The following FRRS1 variants were observed in gnomAD, a reference collection of about 807,000 sequenced individuals.
FRRS1 encodes ferric chelate reductase 1.
FRRS1 carries 51 observed loss-of-function variants against 70.7 expected under a neutral mutation model. The observed-to-expected ratio is 0.72, with a 90% CI of 0.58 to 0.91. The LOEUF (loss-of-function observed/expected upper bound fraction) is 0.91. Among genes scored for constraint, FRRS1 ranks in the 40% least tolerant of loss-of-function variants. The pLI, the probability that FRRS1 is intolerant of heterozygous loss-of-function variation, is 0.00. For missense variants in FRRS1, 672 were observed against 726.0 expected (o/e 0.93, Z 0.86); for synonymous variants, 225 against 238.7 (o/e 0.94, Z 0.53).
chr1:99,757,781 A>C (rs1045639861), intron 1 of FRRS1, among the ~76,000 whole-genome samples: 1 of 152,082 alleles, frequency 6.6e-6, no homozygotes, highest in Non-Finnish European at 1.5e-5. Flanking sequence ...ATTTTGGCAC[A>C]AGTGCAATAT....
chr1:99,711,611 T>C (rs574489837), intron 14 of FRRS1: 33 of 154,942 alleles, frequency 2.1e-4, no homozygotes, highest in Middle Eastern at 3.3e-3. Flanking sequence ...CCATAGACTA[T>C]AGCAGTGTTA....
Position 99,718,869 on chromosome 1 carries a change from A to G in FRRS1, c.1120+665T>C, listed in dbSNP as rs966830015. 2.0e-4 allele frequency among the ~76,000 whole-genome samples: 30 copies of G among 152,206 alleles called. 1 individual carries two copies. Among genetic ancestry groups the G allele is most frequent in the Non-Finnish European group, 4.4e-5 (3 of 68,042 alleles). On this transcript the variant is annotated intron_variant, in intron 10 of 16. Coordinates refer to ENST00000646001, the MANE Select transcript of FRRS1 (RefSeq NM_001361041.2). ...ATGGTAAAAATTAAGGTCTCATAAA[A>G]GTTAAATTAACCCAGTAACACTTGA...
rs539687433 is a variant in FRRS1 at position 99,709,120 on chromosome 1, C to T, written c.1687G>A (p.Gly563Ser). The stretch of plus-strand genomic sequence containing the variant: ...AACACTGCCTTTTTAAAAGCATGAC[C>T]CTGAAAGAAAAATTGAGATATGAAA... Reference protein sequence around the residue: ...LQSFTAVETEGHAFKKAVLAI... With the variant: ...LQSFTAVETESHAFKKAVLAI... The change falls in exon 17 of 17, where the codon GGT becomes AGT. Residue 563 changes from glycine (G) to serine (S), a missense_variant and splice_region_variant. Transcript: ENST00000646001. The T allele has an allele frequency of 7.4e-6, 12 of 1,610,892 alleles. No homozygotes were observed. The East Asian group carries it at 2.7e-4, about 36-fold the overall frequency.
intron 10 of FRRS1, among the ~76,000 whole-genome samples, chr1:99,718,377 G>A (rs889723586): frequency 9.9e-5 from 15 of 152,118 alleles, no homozygotes; most frequent in African/African-American, 3.1e-4. Flanking sequence ...TGCCCAGGCT[G>A]GAGTGCAGTG....
At chr1:99,713,308 C>T (rs1029727350) in intron 12 of FRRS1, among the ~76,000 whole-genome samples, 1 of 152,200 alleles carries the variant, frequency 6.6e-6, no homozygotes, top group Non-Finnish European at 1.5e-5. Context: ...TTTAGAATGG[C>T]GCTCTTAACC....
At position 99,704,356 on chromosome 1, in the gene FRRS1, G is replaced by A. The variant is rs543441127; in HGVS notation, c.*4672C>T. On this transcript the variant is annotated 3_prime_UTR_variant, in exon 17 of 17. Coordinates refer to ENST00000646001, the MANE Select transcript of FRRS1 (RefSeq NM_001361041.2). ...ATGGTCAAAACAAAAAGATACCAAT[G>A]TTGGACAGCAAGTCAGGGAAGGAGC... Among the ~76,000 whole-genome samples, 2 of 152,314 alleles carry A rather than the reference G, an allele frequency of 1.3e-5. No individual in the cohort carries two copies. Among genetic ancestry groups the A allele is most frequent in the South Asian group, 2.1e-4 (1 of 4,824 alleles).
chr1:99,739,816 AATTAGGCAAGTCAGT>A (rs1655864720), intron 6 of FRRS1, among the ~76,000 whole-genome samples: 1 of 152,178 alleles, frequency 6.6e-6, no homozygotes, highest in African/African-American at 2.4e-5. Flanking sequence ...GACACACGAA[AATTAGGCAAGTCAGT>A]ATTTAGGCCC....
rs1047027516 is a variant in FRRS1 at position 99,747,603 on chromosome 1, A to G, written c.197-173T>C. On this transcript the variant is annotated intron_variant, in intron 3 of 16. Coordinates refer to ENST00000646001, the MANE Select transcript of FRRS1 (RefSeq NM_001361041.2). The stretch of plus-strand genomic sequence containing the variant: ...AAACTTTTTCCATAAAATTTTTTCC[A>G]GTGTTCCATAAGATATTCAATCTGT... 1.0e-5 allele frequency: 6 copies of G among 599,452 alleles called. No homozygotes were observed. In the African/African-American group the frequency reaches 1.1e-4, roughly 11 times the overall value. The allele number at this position is 599,452 out of a possible 1,614,324, so 37.1% of individuals were successfully genotyped here. A position where few individuals can be genotyped will look rare whatever the true frequency, so the allele number is the denominator to read the frequency against.
intron 12 of FRRS1, among the ~76,000 whole-genome samples, chr1:99,715,197 C>T (rs1252429565): frequency 1.3e-5 from 2 of 152,040 alleles, no homozygotes; most frequent in South Asian, 2.1e-4. Flanking sequence ...CACTTAGCAC[C>T]GCTGGGTACT....
chr1:99,753,853 A>T (rs1656697178), intron 1 of FRRS1, among the ~76,000 whole-genome samples: 1 of 152,224 alleles, frequency 6.6e-6, no homozygotes, highest in Non-Finnish European at 1.5e-5. Flanking sequence ...AGATTGTCAA[A>T]GTGGATCAGG....
chr1:99,728,367 T>G, intron 9 of FRRS1, 126 bp downstream of exon 9: 1 of 825,226 alleles, frequency 1.2e-6, no homozygotes, highest in Non-Finnish European at 1.9e-6. Context: ...CTGGCAAAAT[T>G]TGACATTTAT....
chr1:99,717,393 T>A lies in FRRS1; in HGVS notation c.1236+17A>T, dbSNP rs1412691610. ...AAATACTATGAATATTGCATTGAAC[T>A]TTTTTCCCTCACCTACCTGAAACCA... On this transcript the variant is annotated intron_variant, in intron 11 of 16. Coordinates refer to ENST00000646001, the MANE Select transcript of FRRS1 (RefSeq NM_001361041.2). 1.4e-5 allele frequency: 21 copies of A among 1,522,806 alleles called. No homozygotes were observed. The highest frequency in any genetic ancestry group is 1.9e-5 in the Non-Finnish European group (21 of 1,096,914). 94.3% of individuals were successfully genotyped at this position (1,522,806 alleles called of 1,614,324 possible). A position where few individuals can be genotyped will look rare whatever the true frequency, so the allele number is the denominator to read the frequency against.
At chr1:99,737,437 A>AT (rs1387519531) in intron 7 of FRRS1, among the ~76,000 whole-genome samples, 2 of 152,232 alleles carry the variant, frequency 1.3e-5, no homozygotes, top group African/African-American at 2.4e-5. Context: ...TGAATAAACA[A>AT]TTCTGGTTTG....
intron 9 of FRRS1, among the ~76,000 whole-genome samples, chr1:99,723,236 A>G (rs1654923029): frequency 6.6e-6 from 1 of 152,218 alleles, no homozygotes; most frequent in African/African-American, 2.4e-5. Flanking sequence ...CTTGCTCTAA[A>G]ATTGCATTAC....
chr1:99,717,070 A>ACAGTG (rs1352986855), intron 11 of FRRS1, among the ~76,000 whole-genome samples: 1 of 152,182 alleles, frequency 6.6e-6, no homozygotes. Context: ...TTTACTCAGT[A>ACAGTG]CAGTGCAGTG....
rs1008165045 is a variant in FRRS1 at position 99,748,718 on chromosome 1, A to C, written c.51T>G (p.Ile17Met). 2 of 1,614,006 alleles carry C rather than the reference A, an allele frequency of 1.2e-6. No homozygotes were observed. The highest frequency in any genetic ancestry group is 1.3e-5 in the African/African-American group (1 of 74,944). Residue 17 changes from isoleucine (I) to methionine (M), a missense_variant, in exon 3 of 17, where the codon ATT becomes ATG. Coordinates refer to ENST00000646001, the MANE Select transcript of FRRS1 (RefSeq NM_001361041.2). ...CATTGGGATAATTAGCCACATAACT[A>C]ATGTGCAACAGAAGTATGCAGGTAC... ...TLGTCILLLH[I>M]SYVANYPNGK...
intron 3 of FRRS1, chr1:99,748,220 C>T (rs1656385340): frequency 6.0e-6 from 1 of 165,456 alleles, no homozygotes; most frequent in African/African-American, 2.4e-5. Context: ...CTACATTTTA[C>T]CAGAGAAATT....
rs1440504842 is a variant in FRRS1 at position 99,705,138 on chromosome 1, A to C, written c.*3890T>G. On this transcript the variant is annotated 3_prime_UTR_variant, in exon 17 of 17. Coordinates refer to ENST00000646001, the MANE Select transcript of FRRS1 (RefSeq NM_001361041.2). ...CAGCTGCAAACATTCACCCCTAGAC[A>C]TTGCTGTGGGGTCGGAGCCCCACAG... Among the ~76,000 whole-genome samples the C allele has an allele frequency of 6.6e-6, 1 of 152,132 alleles. No individual in the cohort carries two copies. Among genetic ancestry groups the C allele is most frequent in the Non-Finnish European group, 1.5e-5 (1 of 68,018 alleles).
chr1:99,721,967 T>A (rs975205768), intron 9 of FRRS1, among the ~76,000 whole-genome samples: 1 of 151,990 alleles, frequency 6.6e-6, no homozygotes, highest in Non-Finnish European at 1.5e-5. Context: ...AGTTCTACCA[T>A]ACCATTAAAA....
Sources: allele counts gnomAD v4.1 joint callset (sites outside exome capture counted in the v4.1 genomes callset), GRCh38; gene constraint gnomAD v4.1.1; transcripts MANE v1.5; gene names NCBI Gene and HGNC (gene_info 2026-07-23, HGNC 2026-07-21).